Variants in GPC5 observed in about 807,000 individuals in gnomAD.
GPC5 encodes the protein glypican 5, also known as glypican-5.
Under a neutral mutation model 53.9 loss-of-function variants are expected in GPC5, and 47 were observed. The observed-to-expected ratio is 0.87, with a 90% CI of 0.69 to 1.11. The LOEUF (loss-of-function observed/expected upper bound fraction) is 1.11, where lower values mean the gene tolerates loss of function less well. Ranked by LOEUF, GPC5 falls within the 50% of genes most tolerant of loss-of-function variation. The probability of loss-of-function intolerance (pLI) is 0.00; values close to 1 mark genes in which losing one functional copy is unlikely to be tolerated. For synonymous variants in GPC5, 286 were observed against 263.3 expected (o/e 1.09, Z -0.84); for missense variants, 748 against 713.1 (o/e 1.05, Z -0.56).
At chr13:92,083,147 G>T (rs1264966111) in intron 6 of GPC5, among the ~76,000 whole-genome samples, 1 of 152,110 alleles carries the variant, frequency 6.6e-6, no homozygotes, top group African/African-American at 2.4e-5. Context: ...CCCTTTGGGG[G>T]ACAAGAATTA....
intron 6 of GPC5, among the ~76,000 whole-genome samples, chr13:91,947,725 A>G (rs2039986780): frequency 6.6e-6 from 1 of 152,112 alleles, no homozygotes; most frequent in East Asian, 1.9e-4. Context: ...GATTTCTGTC[A>G]CTATTTATTT....
At chr13:91,803,078 C>G (rs745740258) in intron 5 of GPC5, among the ~76,000 whole-genome samples, 1 of 152,036 alleles carries the variant, frequency 6.6e-6, no homozygotes, top group Non-Finnish European at 1.5e-5. Context: ...ACCCAGAACT[C>G]AAACAATTTG....
At chr13:92,530,641 T>C (rs1436676953) in intron 7 of GPC5, among the ~76,000 whole-genome samples, 3 of 152,148 alleles carry the variant, frequency 2.0e-5, no homozygotes, top group Non-Finnish European at 4.4e-5. Context: ...GCCCAAGGCA[T>C]TATCTCTAAC....
At chr13:92,654,119 T>C (rs1016454666) in intron 7 of GPC5, among the ~76,000 whole-genome samples, 1 of 152,222 alleles carries the variant, frequency 6.6e-6, no homozygotes, top group Non-Finnish European at 1.5e-5. Flanking sequence ...TGTAAATTAT[T>C]CCAGGATTGC....
At chr13:92,592,893 A>G (rs772165049) in intron 7 of GPC5, among the ~76,000 whole-genome samples, 1 of 151,032 alleles carries the variant, frequency 6.6e-6, no homozygotes, top group South Asian at 2.1e-4. Flanking sequence ...GGTGGCCCTC[A>G]TGCGTGCCCC....
At chr13:91,992,539 C>A (rs1273813357) in intron 6 of GPC5, among the ~76,000 whole-genome samples, 1 of 151,404 alleles carries the variant, frequency 6.6e-6, no homozygotes, top group Non-Finnish European at 1.5e-5. Context: ...CTCACTGCAA[C>A]CTTTGCCTTC....
At chr13:91,582,811 G>A (rs1177266696) in intron 2 of GPC5, among the ~76,000 whole-genome samples, 2 of 152,066 alleles carry the variant, frequency 1.3e-5, no homozygotes, top group African/African-American at 2.4e-5. Flanking sequence ...TCAGGTGTTC[G>A]AGGCCAGTCT....
chr13:92,274,196 A>G lies in GPC5; in HGVS notation c.1561+129207A>G, dbSNP rs112614081. Among the ~76,000 whole-genome samples the G allele has an allele frequency of 5.2e-3, 788 of 152,296 alleles. 5 individuals carry two copies. Among genetic ancestry groups the G allele is most frequent in the African/African-American group, 0.018 (748 of 41,564 alleles). On this transcript the variant is annotated intron_variant, in intron 7 of 7. Coordinates refer to ENST00000377067, the MANE Select transcript of GPC5 (RefSeq NM_004466.6). ...GAATTTTATTCTAGGCATGATTTTC[A>G]TTATAGATACGGATTACATGGCTAT...
chr13:92,288,925 C>T (rs983040984), intron 7 of GPC5, among the ~76,000 whole-genome samples: 1 of 152,116 alleles, frequency 6.6e-6, no homozygotes, highest in Admixed American at 6.6e-5. Context: ...CTCTACCACC[C>T]AGGCATGTGA....
chr13:92,423,885 A>G (rs1161510572), intron 7 of GPC5, among the ~76,000 whole-genome samples: 1 of 152,208 alleles, frequency 6.6e-6, no homozygotes, highest in Non-Finnish European at 1.5e-5. Flanking sequence ...ACTCAGTATC[A>G]GAGCCGCGTT....
chr13:92,153,073 A>G (rs996669323), intron 7 of GPC5, among the ~76,000 whole-genome samples: 2 of 152,162 alleles, frequency 1.3e-5, no homozygotes, highest in African/African-American at 4.8e-5. Context: ...CTTTTGTTAA[A>G]CAGTGTGGTT....
chr13:92,426,804 T>C (rs1490658909), intron 7 of GPC5, among the ~76,000 whole-genome samples: 1 of 151,956 alleles, frequency 6.6e-6, no homozygotes, highest in East Asian at 1.9e-4. Context: ...AATTAGAACA[T>C]GGATCCATAG....
intron 6 of GPC5, among the ~76,000 whole-genome samples, chr13:92,102,535 T>C (rs2041475671): frequency 1.3e-5 from 2 of 152,176 alleles, no homozygotes; most frequent in African/African-American, 4.8e-5. Flanking sequence ...TCCTAAGATA[T>C]AAGCCTTTTC....
At chr13:92,364,122 G>T (rs1043879457) in intron 7 of GPC5, among the ~76,000 whole-genome samples, 3 of 151,720 alleles carry the variant, frequency 2.0e-5, no homozygotes, top group Admixed American at 2.0e-4. Flanking sequence ...CAGAAATTAT[G>T]AATACTGTGG....
intron 7 of GPC5, among the ~76,000 whole-genome samples, chr13:92,770,327 C>A (rs1272525878): frequency 6.8e-6 from 1 of 147,456 alleles, no homozygotes; most frequent in Non-Finnish European, 1.5e-5. Flanking sequence ...GGTGGGAGAA[C>A]ATTCTTGAGC....
At chr13:92,634,476 G>A (rs181462165) in intron 7 of GPC5, among the ~76,000 whole-genome samples, 2 of 151,998 alleles carry the variant, frequency 1.3e-5, no homozygotes, top group East Asian at 3.9e-4. Context: ...TATTTCCTTA[G>A]GTGGAGAGAG....
chr13:91,456,369 A>G (rs1881553656), intron 2 of GPC5, among the ~76,000 whole-genome samples: 1 of 151,738 alleles, frequency 6.6e-6, no homozygotes, highest in Non-Finnish European at 1.5e-5. Flanking sequence ...TTTTTGCAAA[A>G]TGTTAACTTT....
intron 2 of GPC5, among the ~76,000 whole-genome samples, chr13:91,577,684 G>T (rs2032189764): frequency 6.6e-6 from 1 of 152,056 alleles, no homozygotes; most frequent in South Asian, 2.1e-4. Flanking sequence ...GCACTCTAAG[G>T]GCTGTGAGCT....
intron 7 of GPC5, among the ~76,000 whole-genome samples, chr13:92,457,617 C>T (rs1878321536): frequency 6.6e-6 from 1 of 152,174 alleles, no homozygotes; most frequent in Non-Finnish European, 1.5e-5. Context: ...TCCAACTCTT[C>T]ATCATAGTAT....
Sources: gnomAD v4.1 joint callset for allele counts (sites outside exome capture counted in the v4.1 genomes callset) on GRCh38, gnomAD v4.1.1 for gene constraint, MANE v1.5 for transcripts, NCBI Gene and HGNC (gene_info 2026-07-23, HGNC 2026-07-21) for gene names.